Variants in CREBBP observed in about 807,000 individuals in gnomAD.
CREBBP encodes CREB binding lysine acetyltransferase, also known as CREB-binding protein.
Under a neutral mutation model 265.0 loss-of-function variants are expected in CREBBP, and 19 were observed. That is an observed-to-expected ratio of 0.07 (90% CI 0.05 to 0.11). CREBBP has a LOEUF of 0.11. CREBBP is among the 10% of genes least tolerant of loss of function. The pLI, the probability that CREBBP is intolerant of heterozygous loss-of-function variation, is 1.00. For missense variants in CREBBP, 2,525 were observed against 3,219.0 expected (o/e 0.78, Z 5.22); for synonymous variants, 1,457 against 1,223.7 (o/e 1.19, Z -3.98).
At chr16:3,828,271 G>A (rs1597014360) in intron 2 of CREBBP, among the ~76,000 whole-genome samples, 1 of 152,030 alleles carries the variant, frequency 6.6e-6, no homozygotes, top group African/African-American at 2.4e-5. Context: ...TTTGTATTTT[G>A]AGTAGAGATG....
intron 15 of CREBBP, among the ~76,000 whole-genome samples, 167 bp from the exon 16 acceptor site, chr16:3,768,076 G>C (rs2052901598): frequency 6.8e-6 from 1 of 146,558 alleles, no homozygotes; most frequent in East Asian, 2.0e-4. Flanking sequence ...TAAAGTACTT[G>C]GTGTTCATTA....
At chr16:3,747,097 C>T (rs1286776476) in intron 21 of CREBBP, among the ~76,000 whole-genome samples, 1 of 152,052 alleles carries the variant, frequency 6.6e-6, no homozygotes, top group Non-Finnish European at 1.5e-5. Context: ...AGCCCCCCTG[C>T]CTGGCTCCAA....
chr16:3,770,928 C>G lies in CREBBP; in HGVS notation c.2522G>C (p.Ser841Thr), dbSNP rs2141204166. ...NPLNMLGPQA[S>T]QLPCPPVTQS... is the part of the protein sequence containing the mutation. ...TGTCACTGGAGGGCAAGGTAGCTGG[C>G]TGGCCTGAGGCCCCAGCATGTTGAG... Residue 841 changes from serine (S) to threonine (T), a missense_variant, in exon 14 of 31, where the codon AGC becomes ACC. Coordinates refer to ENST00000262367, the MANE Select transcript of CREBBP (RefSeq NM_004380.3). 2 of 1,613,788 alleles carry G rather than the reference C, an allele frequency of 1.2e-6. No individual in the cohort carries two copies. The highest frequency in any genetic ancestry group is 1.7e-6 in the Non-Finnish European group (2 of 1,180,026).
intron 1 of CREBBP, among the ~76,000 whole-genome samples, chr16:3,857,237 C>G (rs1016723308): frequency 6.6e-6 from 1 of 152,188 alleles, no homozygotes; most frequent in Non-Finnish European, 1.5e-5. Context: ...GTCTGCTACA[C>G]TCTGACCACC....
chr16:3,777,065 G>A (rs1047509057), intron 11 of CREBBP, among the ~76,000 whole-genome samples: 2 of 151,584 alleles, frequency 1.3e-5, no homozygotes, highest in South Asian at 2.1e-4. Context: ...AGCTAAGGCC[G>A]GGTGCAGTGG....
intron 2 of CREBBP, among the ~76,000 whole-genome samples, chr16:3,821,631 A>C (rs1283914129): frequency 6.6e-6 from 1 of 152,226 alleles, no homozygotes; most frequent in East Asian, 1.9e-4. Context: ...TTCAGGATTA[A>C]GTGCCCCTTT....
chr16:3,740,209 G>A (rs2052168202), intron 24 of CREBBP, among the ~76,000 whole-genome samples, 190 bp downstream of exon 24: 1 of 152,208 alleles, frequency 6.6e-6, no homozygotes, highest in Admixed American at 6.5e-5. Flanking sequence ...TCTCAAAATA[G>A]CTTACTGCAC....
At chr16:3,740,986 A>C in intron 23 of CREBBP, 1 of 331,898 alleles carries the variant, frequency 3.0e-6, no homozygotes, top group Non-Finnish European at 5.9e-6. Context: ...TGAACGTGGA[A>C]CGTTCTAGGG....
chr16:3,794,123 C>T (rs886354196), intron 3 of CREBBP, among the ~76,000 whole-genome samples: 9 of 151,692 alleles, frequency 5.9e-5, no homozygotes, highest in African/African-American at 2.2e-4. Flanking sequence ...GTCAGGAGAT[C>T]GGGACCACCC....
At chr16:3,835,734 C>T (rs1211103686) in intron 2 of CREBBP, among the ~76,000 whole-genome samples, 1 of 151,810 alleles carries the variant, frequency 6.6e-6, no homozygotes, top group East Asian at 1.9e-4. Context: ...CGCCTGGCAC[C>T]ACACCTGGCT....
intron 1 of CREBBP, among the ~76,000 whole-genome samples, chr16:3,852,172 T>G (rs1259073904): frequency 3.5e-5 from 4 of 115,508 alleles, no homozygotes; most frequent in Admixed American, 2.5e-4. Context: ...TTTTTTTTTT[T>G]TTTTTTTTTT....
intron 16 of CREBBP, among the ~76,000 whole-genome samples, chr16:3,765,560 T>G (rs2052830970): frequency 6.6e-6 from 1 of 152,252 alleles, no homozygotes; most frequent in South Asian, 2.1e-4. Context: ...TGACAGTATT[T>G]GTTGCCAATG....
At chr16:3,748,391 G>A (rs185572049) in intron 21 of CREBBP, among the ~76,000 whole-genome samples, 94 of 152,314 alleles carry the variant, frequency 6.2e-4, no homozygotes, top group African/African-American at 2.0e-3. Context: ...AAAACAATCC[G>A]ATGGTCATGA....
rs1185125180 is a variant in CREBBP at position 3,727,674 on chromosome 16, A to G, written c.*44T>C. 1.2e-6 allele frequency: 2 copies of G among 1,613,362 alleles called. No homozygotes were observed. On this transcript the variant is annotated 3_prime_UTR_variant, in exon 31 of 31. Coordinates refer to ENST00000262367, the MANE Select transcript of CREBBP (RefSeq NM_004380.3). ...CTAGATGCCTGGATTTTCAGTACAA[A>G]AGGTCCAAGAACATGAAAGGGAAAA...
At chr16:3,786,490 T>C (rs2053390700) in intron 5 of CREBBP, among the ~76,000 whole-genome samples, 1 of 152,212 alleles carries the variant, frequency 6.6e-6, no homozygotes, top group Non-Finnish European at 1.5e-5. Context: ...CTGAACTCCA[T>C]TTGGAAATTC....
intron 1 of CREBBP, among the ~76,000 whole-genome samples, chr16:3,876,245 G>C (rs2055397195): frequency 6.6e-6 from 1 of 151,652 alleles, no homozygotes; most frequent in African/African-American, 2.4e-5. Context: ...TCACTATGTT[G>C]TCCAGGCTGG....
chr16:3,808,441 C>T (rs565849342), intron 3 of CREBBP, among the ~76,000 whole-genome samples: 55 of 152,330 alleles, frequency 3.6e-4, no homozygotes, highest in African/African-American at 1.3e-3. Context: ...GGGGCACAAC[C>T]GGCTCACAGC....
chr16:3,770,749 G>A lies in CREBBP; in HGVS notation c.2701C>T (p.Pro901Ser), dbSNP rs148286133. 1 of 1,614,144 alleles carries A rather than the reference G, an allele frequency of 6.2e-7. No homozygotes were observed. Among genetic ancestry groups the A allele is most frequent in the Non-Finnish European group, 8.5e-7 (1 of 1,180,018 alleles). Residue 901 changes from proline to serine, a missense_variant, in exon 14 of 31, where the codon CCG becomes TCG. Pro to Ser is a moderately conservative substitution (Grantham distance 74). Transcript: ENST00000262367. ...GCACTGGGCACTGAGCCAGGAGTCG[G>A]GGTGGGAGTCTGCCCGGAAGACGAC... ...PVSSSGQTPT[P>S]TPGSVPSATQ...
At chr16:3,871,532 T>C (rs1315072550) in intron 1 of CREBBP, among the ~76,000 whole-genome samples, 5 of 152,252 alleles carry the variant, frequency 3.3e-5, no homozygotes, top group African/African-American at 1.2e-4. Flanking sequence ...TTTCTATAGC[T>C]CCTGAATGTC....
Sources: gnomAD v4.1 joint callset for allele counts (sites outside exome capture counted in the v4.1 genomes callset) on GRCh38, gnomAD v4.1.1 for gene constraint, MANE v1.5 for transcripts, NCBI Gene and HGNC (gene_info 2026-07-23, HGNC 2026-07-21) for gene names.